Variants in TMEM255A observed in about 807,000 individuals in gnomAD.
The protein encoded by TMEM255A is family with sequence similarity 70, member A.
A neutral mutation model predicts 23.5 loss-of-function variants in TMEM255A; 14 were observed. That is an observed-to-expected ratio of 0.60 (90% CI 0.39 to 0.93). The LOEUF is 0.93. Ranked by LOEUF, TMEM255A falls within the 40% of genes least tolerant of loss-of-function variation. The pLI, the probability that TMEM255A is intolerant of heterozygous loss-of-function variation, is 0.00. For synonymous variants in TMEM255A, 104 were observed against 100.3 expected, an observed-to-expected ratio of 1.04 and a Z score of -0.22; for missense variants, 233 against 261.7, an observed-to-expected ratio of 0.89 and a Z score of 0.76.
intron 5 of TMEM255A, 87 bp from the exon 6 acceptor site, chrX:120,285,302 T>G (rs2057866286): frequency 7.3e-6 from 6 of 820,483 alleles, no homozygotes; most frequent in Non-Finnish European, 7.4e-6. Context: ...TAGTGACTGA[T>G]GGAGACAGTA....
At chrX:120,291,610 C>T (rs2057915851) in intron 3 of TMEM255A, among the ~76,000 whole-genome samples, 1 of 103,524 alleles carries the variant, frequency 9.7e-6, no homozygotes, top group Non-Finnish European at 2.0e-5. Context: ...TGGTATCTAG[C>T]ATGCTGTCCA....
At chrX:120,297,032 A>T (rs377542129) in intron 2 of TMEM255A, among the ~76,000 whole-genome samples, 629 of 3,157 alleles carry the variant, frequency 0.2, 129 homozygotes, top group Middle Eastern at 1. Context: ...ATATATATAT[A>T]ATATATAATA....
rs188174189 is a variant in TMEM255A at position 120,291,766 on chromosome X, A to G, written c.265-426T>C. Among the ~76,000 whole-genome samples, 202 of 108,203 alleles carry G rather than the reference A, an allele frequency of 1.9e-3. 2 individuals carry two copies. Among genetic ancestry groups the G allele is most frequent in the Middle Eastern group, 0.019 (4 of 216 alleles). 94.0% of individuals were successfully genotyped at this position (108,203 alleles called of 115,157 possible). Reference sequence around the variant, plus strand: ...AATGGTGTGCCCAGGGTCTCCATCTAGTCTGTGGAAAAGCCTGGTGCTCAC... The same window carrying G: ...AATGGTGTGCCCAGGGTCTCCATCTGGTCTGTGGAAAAGCCTGGTGCTCAC... On this transcript the variant is annotated intron_variant, in intron 3 of 8. Coordinates refer to ENST00000371369, the MANE Select transcript of TMEM255A (RefSeq NM_001104544.3).
At chrX:120,256,231 T>C (rs1329349587), downstream of TMEM255A, 5 of 123,271 alleles carry the variant, frequency 4.1e-5, no homozygotes, top group African/African-American at 1.6e-4. Context: ...TAGTAGAGAA[T>C]GGAATGAAGA....
intron 3 of TMEM255A, among the ~76,000 whole-genome samples, chrX:120,292,328 T>C (rs782752166): frequency 1.4e-4 from 16 of 111,880 alleles, no homozygotes; most frequent in Non-Finnish European, 3.0e-4. Flanking sequence ...AGATAGATGC[T>C]ACCTGAGCTG....
Position 120,261,023 on chromosome X carries a change from G to A in TMEM255A, c.825C>T (p.Ser275=), listed in dbSNP as rs782694685. 4.2e-6 allele frequency: 5 copies of A among 1,188,221 alleles called. No individual in the cohort carries two copies. The highest frequency in any genetic ancestry group is 3.1e-5 in the East Asian group (1 of 32,545). ...AGGGAGGGGAGGATGGAAAGACACCGGAATGCTGTGTGATAAAAAGAAAAC... is the reference window on the plus strand; with the variant it reads ...AGGGAGGGGAGGATGGAAAGACACCAGAATGCTGTGTGATAAAAAGAAAAC... ...PPYSAYDFQH[S]GVFPSSPPSG... The change falls in exon 9 of 9, where the codon TCC becomes TCT. Residue 275 remains serine, a synonymous_variant. Coordinates refer to ENST00000371369, the MANE Select transcript of TMEM255A (RefSeq NM_001104544.3).
chrX:120,305,771 A>C (rs2058061099), intron 1 of TMEM255A, among the ~76,000 whole-genome samples: 1 of 111,085 alleles, frequency 9.0e-6, no homozygotes, highest in Non-Finnish European at 1.9e-5. Flanking sequence ...GTGAGACGGG[A>C]GGGGTTGTGG....
At chrX:120,285,951 A>G in intron 5 of TMEM255A, 1 of 1,144,098 alleles carries the variant, frequency 8.7e-7, no homozygotes, top group Non-Finnish European at 1.2e-6. Flanking sequence ...AGTGCTGCTA[A>G]ATTTGTCTTG....
intron 5 of TMEM255A, chrX:120,285,568 A>G (rs2147198182): frequency 8.3e-7 from 1 of 1,199,533 alleles, no homozygotes; most frequent in Non-Finnish European, 1.1e-6. Flanking sequence ...AGGAAAGAAG[A>G]TAAGGTGGGA....
chrX:120,267,754 G>A (rs1556017828), intron 8 of TMEM255A, among the ~76,000 whole-genome samples: 1 of 111,709 alleles, frequency 9.0e-6, no homozygotes, highest in Non-Finnish European at 1.9e-5. Flanking sequence ...TAGTTAGGAG[G>A]CCTGGAGAAA....
intron 2 of TMEM255A, among the ~76,000 whole-genome samples, chrX:120,294,433 CAAAA>C (rs782219332): frequency 2.2e-5 from 1 of 45,008 alleles, no homozygotes; most frequent in Admixed American, 2.9e-4. Context: ...GACTCCGTCT[CAAAA>C]AAAAAAAAAA....
chrX:120,305,846 C>G (rs1188246006), intron 1 of TMEM255A, among the ~76,000 whole-genome samples: 1 of 111,248 alleles, frequency 9.0e-6, no homozygotes, highest in Non-Finnish European at 1.9e-5. Context: ...GAGTATCACC[C>G]GGGCTTAACC....
intron 7 of TMEM255A, among the ~76,000 whole-genome samples, chrX:120,268,866 T>C (rs1355920741): frequency 8.9e-6 from 1 of 111,941 alleles, no homozygotes; most frequent in Non-Finnish European, 1.9e-5. Context: ...AAAACAAGAA[T>C]TAAAAAGAAA....
chrX:120,296,658 TTATAA>T (rs1287416906), intron 2 of TMEM255A, among the ~76,000 whole-genome samples: 26 of 65,185 alleles, frequency 4.0e-4, no homozygotes, highest in Non-Finnish European at 6.4e-4. Flanking sequence ...ATAATATATA[TTATAA>T]TATAATATAT....
chrX:120,263,808 G>A (rs1173220734), intron 8 of TMEM255A, among the ~76,000 whole-genome samples: 2 of 109,043 alleles, frequency 1.8e-5, no homozygotes, highest in Non-Finnish European at 3.8e-5. Context: ...GCGGGGTGGC[G>A]GGCGGGTGGC....
At chrX:120,298,879 G>C (rs782120723) in intron 2 of TMEM255A, among the ~76,000 whole-genome samples, 1 of 95,844 alleles carries the variant, frequency 1.0e-5, no homozygotes, top group Non-Finnish European at 2.0e-5. Flanking sequence ...AGAGCACCTA[G>C]AGAGAGAGAG....
At chrX:120,289,587 C>A (rs149260274) in intron 4 of TMEM255A, among the ~76,000 whole-genome samples, 1 of 111,920 alleles carries the variant, frequency 8.9e-6, no homozygotes, top group African/African-American at 3.3e-5. Context: ...TAAAATAGTG[C>A]AGCCACTTTG....
At chrX:120,287,854 C>T (rs782017242) in intron 4 of TMEM255A, among the ~76,000 whole-genome samples, 51 of 111,912 alleles carry the variant, frequency 4.6e-4, no homozygotes, top group Non-Finnish European at 8.5e-4. Context: ...TCTCAGAAAA[C>T]TAACATGGGG....
chrX:120,268,138 C>G, intron 8 of TMEM255A, 106 bp downstream of exon 8: 1 of 927,344 alleles, frequency 1.1e-6, no homozygotes, highest in Admixed American at 3.1e-5. Context: ...CTACCTCATA[C>G]ATATGCAGAC....
Sources: allele counts gnomAD v4.1 joint callset (sites outside exome capture counted in the v4.1 genomes callset), GRCh38; gene constraint gnomAD v4.1.1; transcripts MANE v1.5; gene names NCBI Gene and HGNC (gene_info 2026-07-23, HGNC 2026-07-21).